Variants in DUSP15 observed in about 807,000 individuals in gnomAD.
DUSP15 encodes the protein dual specificity phosphatase 15, also known as dual specificity protein phosphatase 15.
A neutral mutation model predicts 26.3 loss-of-function variants in DUSP15; 23 were observed. The ratio of observed to expected loss-of-function variants is 0.87; its 90% confidence interval spans 0.63 to 1.24. DUSP15 has a LOEUF of 1.24. Among genes scored for constraint, DUSP15 ranks in the 50% most tolerant of loss-of-function variants. The pLI is 0.00. For missense variants in DUSP15, 364 were observed against 320.6 expected, an observed-to-expected ratio of 1.14 and a Z score of -1.03; for synonymous variants, 143 against 135.5, an observed-to-expected ratio of 1.06 and a Z score of -0.39.
At chr20:31,856,636 T>C (rs149654494), downstream of DUSP15, among the ~76,000 whole-genome samples, 41 of 151,990 alleles carry the variant, frequency 2.7e-4, 1 homozygote, top group South Asian at 7.3e-3. Context: ...CAGAAGTTTG[T>C]GGGGCAGAGC....
At chr20:31,845,739 G>A (rs1003881768), downstream of DUSP15, 17 of 645,206 alleles carry the variant, frequency 2.6e-5, no homozygotes, top group African/African-American at 7.3e-5. Flanking sequence ...CAAAAGAGGC[G>A]GGCAGGAGAG....
chr20:31,856,529 C>A (rs139474810), downstream of DUSP15, among the ~76,000 whole-genome samples: 2 of 151,970 alleles, frequency 1.3e-5, no homozygotes, highest in African/African-American at 2.4e-5. Flanking sequence ...GCAGAGGGAC[C>A]GAAGAGACAT....
intron 3 of DUSP15, among the ~76,000 whole-genome samples, chr20:31,866,226 T>C (rs968064279): frequency 3.9e-5 from 6 of 152,196 alleles, no homozygotes; most frequent in African/African-American, 1.2e-4. Flanking sequence ...CATGGTTCTT[T>C]CTCTCCAGTG....
chr20:31,850,839 T>C (rs1600434918), intron 6 of DUSP15, among the ~76,000 whole-genome samples: 1 of 152,134 alleles, frequency 6.6e-6, no homozygotes, highest in South Asian at 2.1e-4. Flanking sequence ...GGAACCCTGC[T>C]GGGCCAGCCT....
intron 2 of DUSP15, 70 bp downstream of exon 2, chr20:31,869,494 C>T (rs2062863939): frequency 4.5e-6 from 7 of 1,570,260 alleles, no homozygotes; most frequent in Non-Finnish European, 5.2e-6. Flanking sequence ...TGGGCCAGGG[C>T]ATGAATGGTG....
intron 6 of DUSP15, among the ~76,000 whole-genome samples, chr20:31,850,931 AGAG>A (rs766142655): frequency 2.0e-5 from 3 of 152,148 alleles, no homozygotes; most frequent in Middle Eastern, 3.2e-3. Context: ...TGAGGGTGGG[AGAG>A]GAGGCCTGTG....
chr20:31,866,897 T>C (rs1189926525), intron 3 of DUSP15, among the ~76,000 whole-genome samples, 174 bp downstream of exon 3: 1 of 152,210 alleles, frequency 6.6e-6, no homozygotes, highest in Admixed American at 6.5e-5. Flanking sequence ...AATTGACCTC[T>C]CTGGGCCTCA....
intron 2 of DUSP15, among the ~76,000 whole-genome samples, chr20:31,869,296 C>G (rs1338066656): frequency 6.6e-6 from 1 of 152,218 alleles, no homozygotes; most frequent in African/African-American, 2.4e-5. Context: ...GCCCTTTGGT[C>G]TGGTGGTAGA....
At chr20:31,862,548 C>G in intron 6 of DUSP15, 23 bp downstream of exon 6, 1 of 1,574,748 alleles carries the variant, frequency 6.4e-7, no homozygotes, top group Non-Finnish European at 8.6e-7. Context: ...CTGGCCCAAC[C>G]CAGCCCTTGA....
At chr20:31,853,077 TCTCC>T in intron 6 of DUSP15, among the ~76,000 whole-genome samples, 1 of 152,080 alleles carries the variant, frequency 6.6e-6, no homozygotes. Context: ...TTGCCCTCTC[TCTCC>T]CTCCTTTTCC....
At chr20:31,864,875 T>G in intron 4 of DUSP15, 78 bp downstream of exon 4, 1 of 1,482,488 alleles carries the variant, frequency 6.7e-7, no homozygotes, top group South Asian at 1.1e-5. Context: ...TACTTTGTCC[T>G]CCTTCAAACC....
intron 8 of DUSP15, chr20:31,849,571 G>T: frequency 8.8e-7 from 1 of 1,136,360 alleles, no homozygotes. Flanking sequence ...TCAGCAGGTG[G>T]CAGGTGCGCC....
At position 31,863,990 on chromosome 20, in the gene DUSP15, G is replaced by A. The variant is rs750633797; in HGVS notation, c.189-9C>T. 1.2e-6 allele frequency: 2 copies of A among 1,613,664 alleles called. No individual in the cohort carries two copies. Among genetic ancestry groups the A allele is most frequent in the East Asian group, 2.2e-5 (1 of 44,882 alleles). ...CTTTGAAGTGCTTTTTGCTAGAGGA[G>A]AAAGCAATAGGGTAGGGAGCACTGC... On this transcript the variant is annotated splice_polypyrimidine_tract_variant and intron_variant, in intron 4 of 6. Coordinates refer to ENST00000339738, the MANE Select transcript of DUSP15 (RefSeq NM_080611.5).
chr20:31,856,958 G>A (rs1424818363), downstream of DUSP15, among the ~76,000 whole-genome samples: 1 of 152,066 alleles, frequency 6.6e-6, no homozygotes, highest in East Asian at 1.9e-4. Flanking sequence ...CCTACAAGAT[G>A]CAGACCAACC....
At chr20:31,848,889 G>T (rs1485337896) in exon 9 of DUSP15, 1 of 1,611,762 alleles carries the variant, frequency 6.2e-7, no homozygotes. Context: ...TGGTACTTTG[G>T]GTCCGGTGAC....
chr20:31,863,751 T>C, intron 5 of DUSP15, 156 bp downstream of exon 5: 1 of 669,492 alleles, frequency 1.5e-6, no homozygotes, highest in East Asian at 2.8e-5. Context: ...GAGTCCCGGG[T>C]TGGCCTCTCT....
Position 31,870,031 on chromosome 20 carries a change from C to T in DUSP15, c.21+286G>A, listed in dbSNP as rs1371478423. 7.6e-7 allele frequency: 1 copy of T among 1,314,492 alleles called. No individual in the cohort carries two copies. The allele number at this position is 1,314,492 out of a possible 1,614,324, so 81.4% of individuals were successfully genotyped here. On this transcript the variant is annotated intron_variant, in intron 1 of 6. Coordinates refer to ENST00000339738, the MANE Select transcript of DUSP15 (RefSeq NM_080611.5). This position sits in a 1 kb window ranked among gnomAD's most constrained non-coding sequence, Gnocchi z 6.6. ...GACAAGGGAGAGGGACACATGCAGA[C>T]GGAGAGCAGGACTCACTGGGAGACA...
At chr20:31,855,806 TA>T (rs2062551763) in intron 6 of DUSP15, among the ~76,000 whole-genome samples, 1 of 152,200 alleles carries the variant, frequency 6.6e-6, no homozygotes, top group South Asian at 2.1e-4. Flanking sequence ...ACCAGACACT[TA>T]AAATTCACAG....
chr20:31,868,826 G>A (rs959668730), intron 2 of DUSP15, among the ~76,000 whole-genome samples: 2 of 152,142 alleles, frequency 1.3e-5, no homozygotes, highest in Non-Finnish European at 2.9e-5. Flanking sequence ...CAAGGTCTAT[G>A]TTCAGCTCTG....
Sources: allele counts gnomAD v4.1 joint callset (sites outside exome capture counted in the v4.1 genomes callset), GRCh38; gene constraint gnomAD v4.1.1; non-coding constraint Gnocchi (gnomAD v3.1); transcripts MANE v1.5; gene names NCBI Gene and HGNC (gene_info 2026-07-23, HGNC 2026-07-21).